The following SPATC1 variants were observed in gnomAD, a reference collection of about 807,000 sequenced individuals.
SPATC1 encodes spermatogenesis and centriole associated 1, also known as speriolin.
A neutral mutation model predicts 36.5 loss-of-function variants in SPATC1; 35 were observed. The observed-to-expected ratio is 0.96, with a 90% CI of 0.73 to 1.27. The LOEUF (loss-of-function observed/expected upper bound fraction) is 1.27, where lower values mean the gene tolerates loss of function less well. Among genes scored for constraint, SPATC1 ranks in the 50% most tolerant of loss-of-function variants. The pLI is 0.00. For synonymous variants in SPATC1, 361 were observed against 353.6 expected, an observed-to-expected ratio of 1.02 and a Z score of -0.24; for missense variants, 779 against 796.0, an observed-to-expected ratio of 0.98 and a Z score of 0.26.
At chr8:144,028,315 A>T (rs1834725860) in intron 1 of SPATC1, among the ~76,000 whole-genome samples, 1 of 152,146 alleles carries the variant, frequency 6.6e-6, no homozygotes, top group Non-Finnish European at 1.5e-5. Context: ...CATCTGACAA[A>T]GGTCTAATAT....
intron 3 of SPATC1, 31 bp from the exon 4 acceptor site, chr8:144,041,201 C>T (rs1286895895): frequency 1.2e-6 from 2 of 1,612,094 alleles, no homozygotes; most frequent in Non-Finnish European, 1.7e-6. Flanking sequence ...CTCACCCTCT[C>T]ACCTGGGCTG....
At chr8:144,036,022 C>T (rs1834891735) in intron 1 of SPATC1, among the ~76,000 whole-genome samples, 1 of 152,198 alleles carries the variant, frequency 6.6e-6, no homozygotes, top group Non-Finnish European at 1.5e-5. Flanking sequence ...TCCTTCACGT[C>T]TGTCCTCTCC....
intron 4 of SPATC1, among the ~76,000 whole-genome samples, chr8:144,042,281 G>T (rs1164266463): frequency 1.1e-5 from 1 of 92,554 alleles, no homozygotes; most frequent in African/African-American, 5.2e-5. Flanking sequence ...ACCACGCCCA[G>T]CTAATATATA....
rs1554752606 is a variant in SPATC1 at position 144,012,563 on chromosome 8, G to A, written c.48G>A (p.Arg16=). 8.4e-6 allele frequency: 13 copies of A among 1,551,754 alleles called. No individual in the cohort carries two copies. Among genetic ancestry groups the A allele is most frequent in the Non-Finnish European group, 1.0e-5 (12 of 1,146,998 alleles). The change falls in exon 1 of 5, where the codon AGG becomes AGA. Residue 16 remains arginine (R), a synonymous_variant. Transcript: ENST00000377470. ...NYEGLRHQIE[R]LVRENEELKK... ...AAGGGCTTCGGCATCAGATAGAGAG[G>A]CTGGTGCGGGAAAATGAGGAACTGA...
chr8:144,025,168 G>A (rs1587500674), intron 1 of SPATC1, among the ~76,000 whole-genome samples: 4 of 150,762 alleles, frequency 2.7e-5, no homozygotes, highest in East Asian at 2.0e-4. Flanking sequence ...TTTCACCTCA[G>A]GACCCTTTCT....
chr8:144,040,530 T>A lies in SPATC1; in HGVS notation c.767-38T>A, dbSNP rs781867314. 8.2e-5 allele frequency: 128 copies of A among 1,561,302 alleles called. No homozygotes were observed. The Middle Eastern group carries it at 1.6e-3, about 19-fold the overall frequency. On this transcript the variant is annotated intron_variant, in intron 2 of 4. Coordinates refer to ENST00000377470, the MANE Select transcript of SPATC1 (RefSeq NM_198572.3). ...GCAGAGCCCTCCCACCTCACTCTAA[T>A]CCCCCTTTTTTTATTTCTGTTCCCT...
chr8:144,019,802 C>A (rs1587490774), intron 1 of SPATC1, among the ~76,000 whole-genome samples: 1 of 152,000 alleles, frequency 6.6e-6, no homozygotes, highest in East Asian at 1.9e-4. Flanking sequence ...CCTGCTCTAG[C>A]CACCAGCATC....
At position 144,040,358 on chromosome 8, in the gene SPATC1, C is replaced by G. The variant is rs1303494854; in HGVS notation, c.661C>G (p.Leu221Val). 3.7e-6 allele frequency: 6 copies of G among 1,612,586 alleles called. No individual in the cohort carries two copies. In the African/African-American group the frequency reaches 6.7e-5, roughly 18 times the overall value. The change falls in exon 2 of 5, where the codon CTG becomes GTG. Residue 221 changes from leucine (L) to valine (V), a missense_variant. By Grantham distance (32) the Leu-to-Val change is conservative. Transcript: ENST00000377470. The part of the protein sequence containing the change: ...QNLLANPMSN[L>V]VLPEAPRLRL... Reference sequence around the variant, plus strand: ...CCTGCTGGCCAACCCCATGAGCAACCTGGTCCTGCCAGAGGCCCCAAGGCT... The same window carrying G: ...CCTGCTGGCCAACCCCATGAGCAACGTGGTCCTGCCAGAGGCCCCAAGGCT...
At chr8:144,037,223 G>A (rs1564275290) in intron 1 of SPATC1, among the ~76,000 whole-genome samples, 1 of 143,630 alleles carries the variant, frequency 7.0e-6, no homozygotes, top group East Asian at 2.3e-4. Context: ...CCAGCCGGCC[G>A]CCCCGCCCGG....
intron 1 of SPATC1, among the ~76,000 whole-genome samples, chr8:144,019,013 G>C (rs1308193267): frequency 7.3e-6 from 1 of 137,664 alleles, no homozygotes; most frequent in East Asian, 2.1e-4. Flanking sequence ...CTGCACTCCA[G>C]CCTGGGCGAC....
At chr8:144,043,263 G>A (rs1404082025) in intron 4 of SPATC1, among the ~76,000 whole-genome samples, 2 of 151,222 alleles carry the variant, frequency 1.3e-5, no homozygotes, top group Non-Finnish European at 2.9e-5. Context: ...CAAAAGTGCT[G>A]GGATTACAGG....
rs1834295849 is a variant in SPATC1 at position 144,012,447 on chromosome 8, C to T, written c.-69C>T. 1.4e-6 allele frequency: 2 copies of T among 1,420,134 alleles called. No individual in the cohort carries two copies. 88.0% of individuals were successfully genotyped at this position (1,420,134 alleles called of 1,614,324 possible). A position where few individuals can be genotyped will look rare whatever the true frequency, so the allele number is the denominator to read the frequency against. ...CACCCTCCTTCAGCCCAGGCAAGGC[C>T]TGGGGCCCTGGGCAGCCTCCAGGTG... On this transcript the variant is annotated 5_prime_UTR_variant, in exon 1 of 5. Coordinates refer to ENST00000377470, the MANE Select transcript of SPATC1 (RefSeq NM_198572.3).
intron 1 of SPATC1, among the ~76,000 whole-genome samples, chr8:144,024,409 C>A: frequency 6.9e-6 from 1 of 145,236 alleles, no homozygotes; most frequent in Middle Eastern, 3.6e-3. Context: ...TCAGGACCCC[C>A]TTCCTTCAGG....
rs782154036 is a variant in SPATC1, at chr8:144,040,755, C to T, written c.954C>T (p.Val318=). The change falls in exon 3 of 5, where the codon GTC becomes GTT. Residue 318 remains valine, a synonymous_variant. Transcript: ENST00000377470. ...CCAGTGCCGCCCAGGAACAAGTGGT[C>T]CCTGCATCTGTCCCCACCTCCCCCA... ...AQPSAAQEQV[V]PASVPTSPTT... 6.2e-6 allele frequency: 10 copies of T among 1,611,516 alleles called. No individual in the cohort carries two copies. Among genetic ancestry groups the T allele is most frequent in the East Asian group, 2.2e-5 (1 of 44,780 alleles).
At chr8:144,018,803 G>A (rs1341796444) in intron 1 of SPATC1, among the ~76,000 whole-genome samples, 1 of 150,828 alleles carries the variant, frequency 6.6e-6, no homozygotes, top group Non-Finnish European at 1.5e-5. Flanking sequence ...AGGCCGAGCC[G>A]GGCAGATGAC....
At chr8:144,027,956 G>A (rs1205590759) in intron 1 of SPATC1, among the ~76,000 whole-genome samples, 2 of 151,866 alleles carry the variant, frequency 1.3e-5, no homozygotes, top group Non-Finnish European at 2.9e-5. Flanking sequence ...TGGTGGCACG[G>A]CACTCCAGCC....
chr8:144,041,489 G>A, intron 4 of SPATC1, 118 bp downstream of exon 4: 1 of 1,306,724 alleles, frequency 7.7e-7, no homozygotes, highest in Admixed American at 2.3e-5. Flanking sequence ...TGGGATAGAG[G>A]AAGCTGACTG....
intron 1 of SPATC1, among the ~76,000 whole-genome samples, chr8:144,027,202 A>T (rs1208753121): frequency 6.6e-6 from 1 of 152,012 alleles, no homozygotes; most frequent in Non-Finnish European, 1.5e-5. Context: ...TTAAACTCCC[A>T]GACTCAAATG....
At chr8:144,043,103 C>T (rs1835160511) in intron 4 of SPATC1, among the ~76,000 whole-genome samples, 4 of 151,762 alleles carry the variant, frequency 2.6e-5, no homozygotes, top group Admixed American at 2.6e-4. Flanking sequence ...AGCAATTCTC[C>T]TGCCTCAGCC....
Sources: allele counts gnomAD v4.1 joint callset (sites outside exome capture counted in the v4.1 genomes callset), GRCh38; gene constraint gnomAD v4.1.1; transcripts MANE v1.5; gene names NCBI Gene and HGNC (gene_info 2026-07-23, HGNC 2026-07-21).